CHCHD3: variants seen among roughly 807,000 people sequenced by gnomAD.
CHCHD3 encodes coiled-coil-helix-coiled-coil-helix domain containing 3.
In CHCHD3, 20 loss-of-function variants were observed where a neutral mutation model predicts 38.2. That is an observed-to-expected ratio of 0.52 (90% CI 0.37 to 0.76). CHCHD3 has a LOEUF of 0.76. Among genes scored for constraint, CHCHD3 ranks in the 30% least tolerant of loss-of-function variants. CHCHD3 has a pLI of 0.00. For synonymous variants in CHCHD3, 82 were observed against 100.0 expected (o/e 0.82, Z 1.07); for missense variants, 245 against 279.2 (o/e 0.88, Z 0.87).
intron 6 of CHCHD3, among the ~76,000 whole-genome samples, chr7:132,817,746 A>C (rs1289755354): frequency 6.6e-6 from 1 of 152,084 alleles, no homozygotes; most frequent in African/African-American, 2.4e-5. Context: ...AGTCCCAGCT[A>C]CTCAGGAGGC....
rs1436381498 is a variant in CHCHD3 at position 133,070,163 on chromosome 7, A to G, written c.148T>C (p.Ser50Pro). ...SPSGSKSQRY[S>P]GAYGASVSDE... ...ATACCTGAGGCACCATAAGCACCAGAATACCGCTGAGACTTCGAACCAGAT... is the reference window on the plus strand; with the variant it reads ...ATACCTGAGGCACCATAAGCACCAGGATACCGCTGAGACTTCGAACCAGAT... The change falls in exon 2 of 8, where the codon TCT becomes CCT. Residue 50 changes from serine to proline, a missense_variant. By Grantham distance (74) the Ser-to-Pro change is moderately conservative (BLOSUM62 -1). Transcript: ENST00000262570. 6.2e-7 allele frequency: 1 copy of G among 1,612,122 alleles called. No homozygotes were observed. The highest frequency in any genetic ancestry group is 8.5e-7 in the Non-Finnish European group (1 of 1,179,808).
chr7:132,808,841 C>T (rs1475166691), intron 6 of CHCHD3, among the ~76,000 whole-genome samples: 2 of 151,192 alleles, frequency 1.3e-5, no homozygotes, highest in South Asian at 4.2e-4. Flanking sequence ...CCCACTAACT[C>T]GTCATCTAGC....
chr7:132,985,410 A>G (rs62465316), intron 3 of CHCHD3, among the ~76,000 whole-genome samples: 5 of 60,358 alleles, frequency 8.3e-5, no homozygotes, highest in Admixed American at 1.8e-4. Context: ...CAGCCGCCCT[A>G]TCCGGGAGGT....
At chr7:133,042,215 T>C (rs748596608) in intron 2 of CHCHD3, among the ~76,000 whole-genome samples, 35 of 152,324 alleles carry the variant, frequency 2.3e-4, no homozygotes, top group Non-Finnish European at 3.7e-4. Context: ...GCAAGCTTGG[T>C]TGAAACACAT....
chr7:133,019,864 A>G (rs1813132520), intron 3 of CHCHD3, among the ~76,000 whole-genome samples: 1 of 152,222 alleles, frequency 6.6e-6, no homozygotes. Flanking sequence ...ACAGAGGAGA[A>G]GTAAATCATA....
At chr7:132,937,079 C>T (rs1810649191) in intron 4 of CHCHD3, among the ~76,000 whole-genome samples, 1 of 152,152 alleles carries the variant, frequency 6.6e-6, no homozygotes, top group African/African-American at 2.4e-5. Context: ...TTCCAAGTAC[C>T]ATTTAACTGA....
At chr7:133,004,721 T>C (rs570384050) in intron 3 of CHCHD3, among the ~76,000 whole-genome samples, 1 of 151,932 alleles carries the variant, frequency 6.6e-6, no homozygotes, top group Non-Finnish European at 1.5e-5. Flanking sequence ...GCAAGGAGAG[T>C]GGGCAAACTT....
intron 6 of CHCHD3, among the ~76,000 whole-genome samples, chr7:132,801,768 C>T (rs1806800329): frequency 6.6e-6 from 1 of 152,220 alleles, no homozygotes; most frequent in African/African-American, 2.4e-5. Flanking sequence ...AAATTCTATC[C>T]TATAAACCCA....
chr7:133,006,246 A>C (rs1812696458), intron 3 of CHCHD3, among the ~76,000 whole-genome samples: 1 of 152,098 alleles, frequency 6.6e-6, no homozygotes, highest in South Asian at 2.1e-4. Context: ...CAGGCAGATC[A>C]CCTGAGGTCC....
intron 2 of CHCHD3, among the ~76,000 whole-genome samples, chr7:133,046,066 T>A (rs888815417): frequency 6.6e-6 from 1 of 152,248 alleles, no homozygotes; most frequent in African/African-American, 2.4e-5. Flanking sequence ...TAAGCCTGAA[T>A]CTTACTTTTT....
At chr7:132,994,642 T>C (rs1812367965) in intron 3 of CHCHD3, among the ~76,000 whole-genome samples, 1 of 152,224 alleles carries the variant, frequency 6.6e-6, no homozygotes, top group Non-Finnish European at 1.5e-5. Flanking sequence ...AAATCGCCTC[T>C]TAAGAATCAA....
At chr7:133,057,091 T>C (rs1562950448) in intron 2 of CHCHD3, among the ~76,000 whole-genome samples, 1 of 152,200 alleles carries the variant, frequency 6.6e-6, no homozygotes, top group Non-Finnish European at 1.5e-5. Flanking sequence ...CAGATGGTGA[T>C]TTCAGTTGGC....
At chr7:133,055,098 G>A (rs921737452) in intron 2 of CHCHD3, among the ~76,000 whole-genome samples, 2 of 151,866 alleles carry the variant, frequency 1.3e-5, no homozygotes, top group Non-Finnish European at 2.9e-5. Flanking sequence ...GCTGAGGTGG[G>A]AGTATCACTT....
At chr7:132,939,769 G>C (rs1810720313) in intron 4 of CHCHD3, among the ~76,000 whole-genome samples, 1 of 152,172 alleles carries the variant, frequency 6.6e-6, no homozygotes, top group Non-Finnish European at 1.5e-5. Flanking sequence ...AAATAAACTA[G>C]GCGGAAAATG....
At chr7:133,076,476 C>T (rs1814994717) in intron 1 of CHCHD3, among the ~76,000 whole-genome samples, 1 of 152,170 alleles carries the variant, frequency 6.6e-6, no homozygotes. Flanking sequence ...ATATTCAGCC[C>T]ACTGAACTTG....
chr7:132,879,940 C>T (rs1474863143), intron 5 of CHCHD3, among the ~76,000 whole-genome samples: 3 of 152,042 alleles, frequency 2.0e-5, no homozygotes, highest in Non-Finnish European at 2.9e-5. Flanking sequence ...GCTGTAATCG[C>T]TAGGTAATAA....
chr7:132,984,102 C>G (rs1320051412), intron 3 of CHCHD3, among the ~76,000 whole-genome samples: 1 of 119,428 alleles, frequency 8.4e-6, no homozygotes, highest in Non-Finnish European at 1.8e-5. Context: ...ACGGTCTCCC[C>G]CTGATGCCGA....
chr7:132,870,297 C>G (rs1489471829), intron 5 of CHCHD3, among the ~76,000 whole-genome samples: 3 of 141,426 alleles, frequency 2.1e-5, no homozygotes, highest in Admixed American at 1.5e-4. Context: ...TTGCGGTGAA[C>G]AGAGATCACG....
At chr7:132,841,582 G>A (rs1321554675) in intron 5 of CHCHD3, among the ~76,000 whole-genome samples, 1 of 152,090 alleles carries the variant, frequency 6.6e-6, no homozygotes, top group Non-Finnish European at 1.5e-5. Context: ...GATCTGATCA[G>A]TACGATGTAC....
Sources: gnomAD v4.1 joint callset for allele counts (sites outside exome capture counted in the v4.1 genomes callset) on GRCh38, gnomAD v4.1.1 for gene constraint, MANE v1.5 for transcripts, NCBI Gene and HGNC (gene_info 2026-07-23, HGNC 2026-07-21) for gene names.